TNR: variants seen among roughly 807,000 people sequenced by gnomAD.
TNR encodes the protein tenascin-R.
Under a neutral mutation model 150.4 loss-of-function variants are expected in TNR, and 45 were observed. The observed-to-expected ratio is 0.30, with a 90% CI of 0.24 to 0.38. The LOEUF (loss-of-function observed/expected upper bound fraction) is 0.38. TNR is among the 10% of genes least tolerant of loss of function. TNR has a pLI of 1.00. For synonymous variants in TNR, 687 were observed against 678.4 expected, an observed-to-expected ratio of 1.01 and a Z score of -0.20; for missense variants, 1,544 against 1,759.1, an observed-to-expected ratio of 0.88 and a Z score of 2.19.
intron 2 of TNR, among the ~76,000 whole-genome samples, chr1:175,481,892 G>T (rs1657824522): frequency 6.6e-6 from 1 of 152,036 alleles, no homozygotes; most frequent in Admixed American, 6.5e-5. Flanking sequence ...GCTGGAAGTT[G>T]GGAACCATAT....
intron 2 of TNR, among the ~76,000 whole-genome samples, chr1:175,450,086 C>T (rs573882133): frequency 7.9e-4 from 121 of 152,348 alleles, no homozygotes; most frequent in African/African-American, 2.9e-3. Context: ...GCCACTCAAA[C>T]TACTCTCCTG....
rs144443457 is a variant in TNR, at chr1:175,415,519, C to T, written c.-63-8742G>A. Among the ~76,000 whole-genome samples the T allele has an allele frequency of 4.2e-3, 636 of 152,370 alleles. 1 individual carries two copies. Among genetic ancestry groups the T allele is most frequent in the Non-Finnish European group, 7.8e-3 (531 of 68,034 alleles). ...CGCGGCTGCCCAACGCCCCTGACCA[C>T]GTGCTGTTTGATGTATCCCCATGTG... On this transcript the variant is annotated intron_variant, in intron 2 of 22. Coordinates refer to ENST00000367674, the MANE Select transcript of TNR (RefSeq NM_003285.3).
rs186081096 is a variant in TNR at position 175,319,748 on chromosome 1, C to G, written c.*3609G>C. The G allele has an allele frequency of 2.0e-5, 3 of 152,382 alleles. No homozygotes were observed. Among genetic ancestry groups the G allele is most frequent in the Non-Finnish European group, 2.9e-5 (2 of 68,032 alleles). 9.4% of individuals were successfully genotyped at this position (152,382 alleles called of 1,614,324 possible). A position where few individuals can be genotyped will look rare whatever the true frequency, so the allele number is the denominator to read the frequency against. On this transcript the variant is annotated 3_prime_UTR_variant, in exon 23 of 23. Transcript: ENST00000367674. ...TTTCCTGAGTCCTGGTTTGGCTCTC[C>G]TGGAAACTTGGAGACGTGGCCTTTC...
At chr1:175,667,475 C>T (rs1424983337) in intron 1 of TNR, among the ~76,000 whole-genome samples, 1 of 152,206 alleles carries the variant, frequency 6.6e-6, no homozygotes, top group Non-Finnish European at 1.5e-5. Context: ...TTCTTAAGCA[C>T]CTGCTATGTG....
At chr1:175,687,782 A>G (rs1462561313) in intron 1 of TNR, among the ~76,000 whole-genome samples, 2 of 151,290 alleles carry the variant, frequency 1.3e-5, no homozygotes, top group African/African-American at 4.9e-5. Context: ...CACATGCTTC[A>G]AGCAAGATGC....
intron 2 of TNR, among the ~76,000 whole-genome samples, chr1:175,421,710 C>T (rs1191377074): frequency 6.6e-6 from 1 of 152,208 alleles, no homozygotes; most frequent in Non-Finnish European, 1.5e-5. Flanking sequence ...TCTCTGGGCT[C>T]TTCCTACATG....
At chr1:175,513,587 G>T (rs1030554126) in intron 2 of TNR, among the ~76,000 whole-genome samples, 12 of 152,138 alleles carry the variant, frequency 7.9e-5, no homozygotes, top group African/African-American at 2.9e-4. Flanking sequence ...CAATGTTATA[G>T]GTGCAGGCAA....
At chr1:175,397,161 T>C (rs544444916) in intron 4 of TNR, among the ~76,000 whole-genome samples, 1 of 152,362 alleles carries the variant, frequency 6.6e-6, no homozygotes, top group South Asian at 2.1e-4. Flanking sequence ...ATAAAGGTAA[T>C]AGATATTCAA....
At position 175,406,768 on chromosome 1, in the gene TNR, T is replaced by C. The variant is rs1571397762; in HGVS notation, c.-54A>G. ...CCAGCCTGCAGCACACAGCATGGAG[T>C]TGTGGGAATCTGCAACGGAAACCAA... On this transcript the variant is annotated 5_prime_UTR_variant, in exon 3 of 23. Coordinates refer to ENST00000367674, the MANE Select transcript of TNR (RefSeq NM_003285.3). The C allele has an allele frequency of 3.8e-6, 6 of 1,579,988 alleles. No homozygotes were observed. The East Asian group carries it at 1.3e-4, about 35-fold the overall frequency.
chr1:175,318,250 C>A lies in TNR; in HGVS notation c.*5107G>T, dbSNP rs1648897705. 6.6e-6 allele frequency: 1 copy of A among 152,216 alleles called. No individual in the cohort carries two copies. The highest frequency in any genetic ancestry group is 6.5e-5 in the Admixed American group (1 of 15,282). The allele number at this position is 152,216 out of a possible 1,614,324, so 9.4% of individuals were successfully genotyped here. A position where few individuals can be genotyped will look rare whatever the true frequency, so the allele number is the denominator to read the frequency against. On this transcript the variant is annotated 3_prime_UTR_variant, in exon 23 of 23. Transcript: ENST00000367674. ...TGCTGCTTCCTCTCCCATGGCCGCT[C>A]CTGCCTTGTCTCTGCCTTTCAGTGT...
At chr1:175,560,761 T>C (rs76324930) in intron 1 of TNR, among the ~76,000 whole-genome samples, 7,077 of 152,292 alleles carry the variant, frequency 0.046, 559 homozygotes, top group African/African-American at 0.16. Flanking sequence ...ATCTTTCCCT[T>C]AATCATTTCT....
At chr1:175,589,684 C>T (rs757480653) in intron 1 of TNR, among the ~76,000 whole-genome samples, 6 of 152,238 alleles carry the variant, frequency 3.9e-5, no homozygotes, top group South Asian at 2.1e-4. Context: ...AGGATGAATT[C>T]GTGTCCTTTG....
chr1:175,643,591 G>A (rs1172389548), intron 1 of TNR, among the ~76,000 whole-genome samples: 1 of 152,184 alleles, frequency 6.6e-6, no homozygotes, highest in Admixed American at 6.5e-5. Flanking sequence ...AGGATGGTTT[G>A]TTTGAAGGAT....
intron 1 of TNR, among the ~76,000 whole-genome samples, chr1:175,626,627 T>C (rs982348532): frequency 6.6e-6 from 1 of 152,238 alleles, no homozygotes; most frequent in Non-Finnish European, 1.5e-5. Context: ...ATAAACCGTA[T>C]ATGTTTTCTA....
chr1:175,557,998 C>A lies in TNR; in HGVS notation c.-164-29629G>T, dbSNP rs562038173. On this transcript the variant is annotated intron_variant, in intron 1 of 22. Coordinates refer to ENST00000367674, the MANE Select transcript of TNR (RefSeq NM_003285.3). ...GGACATGGATGAAATTGGAAATCAT[C>A]ATTCTCAGTAAACTATCGCAAGAAC... Among the ~76,000 whole-genome samples the A allele has an allele frequency of 5.6e-3, 602 of 108,114 alleles. 2 individuals carry two copies. Among genetic ancestry groups the A allele is most frequent in the Non-Finnish European group, 8.9e-3 (467 of 52,268 alleles). The allele number at this position is 108,114 out of a possible 152,430, so 70.9% of individuals were successfully genotyped here.
Position 175,487,600 on chromosome 1 carries a change from G to C in TNR, c.-64+40669C>G, listed in dbSNP as rs546283429. 1.1e-4 allele frequency among the ~76,000 whole-genome samples: 17 copies of C among 152,268 alleles called. No individual in the cohort carries two copies. The South Asian group carries it at 3.5e-3, about 32-fold the overall frequency. ...TAAGCCCATGCTTTGGAGTCAGACA[G>C]TCTAAGATTAACCAAAACTCCATTA... On this transcript the variant is annotated intron_variant, in intron 2 of 22. Coordinates refer to ENST00000367674, the MANE Select transcript of TNR (RefSeq NM_003285.3).
At chr1:175,525,128 A>G (rs144157220) in intron 2 of TNR, among the ~76,000 whole-genome samples, 5 of 152,240 alleles carry the variant, frequency 3.3e-5, no homozygotes, top group Non-Finnish European at 4.4e-5. Context: ...AGTTTTCCTG[A>G]GATCTGACAG....
At chr1:175,357,915 G>T (rs1266296535) in intron 15 of TNR, among the ~76,000 whole-genome samples, 1 of 152,206 alleles carries the variant, frequency 6.6e-6, no homozygotes, top group Admixed American at 6.5e-5. Context: ...TTTGTGGAAT[G>T]AATGGAAGTT....
intron 2 of TNR, among the ~76,000 whole-genome samples, chr1:175,504,429 G>A (rs1278346478): frequency 6.6e-6 from 1 of 152,092 alleles, no homozygotes; most frequent in Non-Finnish European, 1.5e-5. Context: ...CACTAGAATC[G>A]ACACTTTGTG....
Sources: gnomAD v4.1 joint callset for allele counts (sites outside exome capture counted in the v4.1 genomes callset) on GRCh38, gnomAD v4.1.1 for gene constraint, MANE v1.5 for transcripts, NCBI Gene and HGNC (gene_info 2026-07-23, HGNC 2026-07-21) for gene names.